MYRIP: variants seen among roughly 807,000 people sequenced by gnomAD.
The protein encoded by MYRIP is myosin VIIA and Rab interacting protein.
MYRIP carries 49 observed loss-of-function variants against 98.0 expected under a neutral mutation model. That is an observed-to-expected ratio of 0.50 (90% CI 0.40 to 0.63). The LOEUF (loss-of-function observed/expected upper bound fraction) is 0.63, where lower values mean the gene tolerates loss of function less well. MYRIP is among the 30% of genes least tolerant of loss of function. The pLI is 0.00. For missense variants in MYRIP, 1,004 were observed against 1,058.2 expected (o/e 0.95, Z 0.71); for synonymous variants, 404 against 409.5 (o/e 0.99, Z 0.16).
intron 2 of MYRIP, among the ~76,000 whole-genome samples, chr3:39,954,844 T>A (rs529637348): frequency 1.3e-5 from 2 of 152,262 alleles, no homozygotes; most frequent in African/African-American, 4.8e-5. Context: ...CTGATGGAGC[T>A]GAAACCCATG....
chr3:40,138,855 C>G (rs954117563), intron 3 of MYRIP, among the ~76,000 whole-genome samples: 1 of 152,138 alleles, frequency 6.6e-6, no homozygotes, highest in Non-Finnish European at 1.5e-5. Flanking sequence ...CTATTTGACA[C>G]TATGTTGTAT....
chr3:40,079,342 G>A (rs1240725217), intron 3 of MYRIP, among the ~76,000 whole-genome samples: 1 of 152,100 alleles, frequency 6.6e-6, no homozygotes, highest in Non-Finnish European at 1.5e-5. Context: ...AGCCATCTTT[G>A]GTCTATATTT....
chr3:40,244,496 G>A lies in MYRIP; in HGVS notation c.2151G>A (p.Glu717=), dbSNP rs1953122443. The part of the protein sequence containing the change: ...TVYGLETQLT[E]LEDAARCIHS... ...ATGGACTGGAGACCCAGCTGACTGA[G>A]CTAGAAGATGCCGCCCGCTGCATCC... is the stretch of plus-strand genomic sequence containing the variant. Residue 717 remains glutamate (E), a synonymous_variant, in exon 13 of 17, where the codon GAG becomes GAA. Transcript: ENST00000302541. 2 of 1,614,000 alleles carry A rather than the reference G, an allele frequency of 1.2e-6. No homozygotes were observed.
intron 3 of MYRIP, among the ~76,000 whole-genome samples, chr3:40,072,182 C>T (rs769279077): frequency 1.3e-5 from 2 of 152,094 alleles, no homozygotes; most frequent in African/African-American, 4.8e-5. Flanking sequence ...ACCTTTATTA[C>T]TGTATTATAT....
At position 40,204,029 on chromosome 3, in the gene MYRIP, ATAT is replaced by A. The variant is rs1951688335; in HGVS notation, c.1666-5821_1666-5819del. Reference sequence around the variant, plus strand: ...ATATTATATATAATATATATTATATATATTATATATTATATATAATATATTTAT... The same window carrying A: ...ATATTATATATAATATATATTATATATATATATTATATATAATATATTTAT... On this transcript the variant is annotated intron_variant, in intron 10 of 16. Coordinates refer to ENST00000302541, the MANE Select transcript of MYRIP (RefSeq NM_015460.4). Among the ~76,000 whole-genome samples, 2 of 5,802 alleles carry A rather than the reference ATAT, an allele frequency of 3.4e-4. 1 individual carries two copies. The highest frequency in any genetic ancestry group is 8.8e-4 in the African/African-American group (2 of 2,284). 3.8% of individuals were successfully genotyped at this position (5,802 alleles called of 152,430 possible).
In MYRIP at chr3:40,043,214, T is replaced by C. The variant is rs559758671; in HGVS notation, c.111-836T>C. 2.0e-5 allele frequency among the ~76,000 whole-genome samples: 3 copies of C among 152,262 alleles called. No homozygotes were observed. The East Asian group carries it at 5.8e-4, about 29-fold the overall frequency. ...TAATATAGTACTAAAATAGTAAAAA[T>C]TATAGTCTAGTAATATAGTATAGTA... On this transcript the variant is annotated intron_variant, in intron 2 of 16. Coordinates refer to ENST00000302541, the MANE Select transcript of MYRIP (RefSeq NM_015460.4).
intron 10 of MYRIP, among the ~76,000 whole-genome samples, chr3:40,195,342 C>T (rs1259948672): frequency 6.6e-6 from 1 of 152,158 alleles, no homozygotes; most frequent in Non-Finnish European, 1.5e-5. Context: ...GTCACCCATG[C>T]TGGAGTGCAG....
chr3:40,202,999 G>A (rs1328218765), intron 10 of MYRIP, among the ~76,000 whole-genome samples: 1 of 151,576 alleles, frequency 6.6e-6, no homozygotes, highest in South Asian at 2.1e-4. Context: ...GTGCAATGTC[G>A]GCTCACTGCA....
chr3:40,053,924 C>A (rs535312611), intron 3 of MYRIP, among the ~76,000 whole-genome samples: 1 of 152,204 alleles, frequency 6.6e-6, no homozygotes, highest in Admixed American at 6.6e-5. Context: ...TGAGAACAGA[C>A]CTGAACAGGG....
intron 1 of MYRIP, among the ~76,000 whole-genome samples, chr3:39,871,526 C>T (rs1475321351): frequency 6.6e-6 from 1 of 152,158 alleles, no homozygotes; most frequent in Non-Finnish European, 1.5e-5. Context: ...TAGCCGTTTA[C>T]TTGCCCAGTG....
intron 2 of MYRIP, among the ~76,000 whole-genome samples, chr3:40,042,483 TA>T (rs1466727617): frequency 1.3e-5 from 2 of 151,800 alleles, no homozygotes; most frequent in African/African-American, 4.8e-5. Context: ...ACCATAAACA[TA>T]AAAAGACAAG....
At chr3:39,875,860 C>T (rs1012966906) in intron 1 of MYRIP, among the ~76,000 whole-genome samples, 13 of 151,964 alleles carry the variant, frequency 8.6e-5, no homozygotes, top group Admixed American at 2.6e-4. Context: ...ATTAGGTGCA[C>T]TTGGTGCAGA....
At chr3:39,918,728 A>G (rs1265716138) in intron 2 of MYRIP, among the ~76,000 whole-genome samples, 1 of 152,238 alleles carries the variant, frequency 6.6e-6, no homozygotes, top group Non-Finnish European at 1.5e-5. Context: ...TCTTGGGATT[A>G]CAGAAAGAAT....
chr3:40,229,619 C>T (rs1227083045), intron 11 of MYRIP, among the ~76,000 whole-genome samples: 1 of 152,230 alleles, frequency 6.6e-6, no homozygotes, highest in African/African-American at 2.4e-5. Flanking sequence ...TCAGATCTTA[C>T]CTTCCTGTTC....
At chr3:40,213,358 A>G (rs1455322518) in intron 11 of MYRIP, among the ~76,000 whole-genome samples, 1 of 152,214 alleles carries the variant, frequency 6.6e-6, no homozygotes, top group Non-Finnish European at 1.5e-5. Flanking sequence ...AATCTTAATT[A>G]TTGTAGCTTT....
chr3:39,868,859 A>G (rs1212318900), intron 1 of MYRIP, among the ~76,000 whole-genome samples: 1 of 152,152 alleles, frequency 6.6e-6, no homozygotes, highest in East Asian at 1.9e-4. Flanking sequence ...ATTTTCTTTG[A>G]ATATGTCAAC....
chr3:39,865,712 T>C (rs374854205), intron 1 of MYRIP, among the ~76,000 whole-genome samples: 3 of 152,222 alleles, frequency 2.0e-5, no homozygotes, highest in Admixed American at 2.0e-4. Context: ...GGAACACTTA[T>C]ACTCTGATGG....
At position 39,908,906 on chromosome 3, in the gene MYRIP, G is replaced by A. The variant is rs576468494; in HGVS notation, c.110+7980G>A. ...GTGTGCACAGAGTGCATTTGCCTGA[G>A]GTCTCCTCATGGCCTTTTGTAGCTC... On this transcript the variant is annotated intron_variant, in intron 2 of 16. Transcript: ENST00000302541. Among the ~76,000 whole-genome samples, 3 of 152,260 alleles carry A rather than the reference G, an allele frequency of 2.0e-5. No individual in the cohort carries two copies. The East Asian group carries it at 5.8e-4, about 29-fold the overall frequency.
chr3:40,084,206 A>G (rs911538896), intron 3 of MYRIP, among the ~76,000 whole-genome samples: 2 of 147,238 alleles, frequency 1.4e-5, no homozygotes, highest in African/African-American at 4.9e-5. Flanking sequence ...TGTCATTGGC[A>G]TAAATATTAT....
Sources: allele counts gnomAD v4.1 joint callset (sites outside exome capture counted in the v4.1 genomes callset), GRCh38; gene constraint gnomAD v4.1.1; transcripts MANE v1.5; gene names NCBI Gene and HGNC (gene_info 2026-07-23, HGNC 2026-07-21).